The following DCHS2 variants were observed in gnomAD, a reference collection of about 807,000 sequenced individuals.
The protein encoded by DCHS2 is dachsous cadherin-related 2, also known as protocadherin-23.
In DCHS2, 142 loss-of-function variants were observed where a neutral mutation model predicts 182.4. The observed-to-expected ratio is 0.78, with a 90% CI of 0.68 to 0.89. The LOEUF (loss-of-function observed/expected upper bound fraction) is 0.89. Among genes scored for constraint, DCHS2 ranks in the 40% least tolerant of loss-of-function variants. DCHS2 has a pLI of 0.00. For missense variants in DCHS2, 4,319 were observed against 4,198.6 expected, an observed-to-expected ratio of 1.03 and a Z score of -0.79; for synonymous variants, 1,740 against 1,663.3, an observed-to-expected ratio of 1.05 and a Z score of -1.12.
At position 154,305,195 on chromosome 4, in the gene DCHS2, C is replaced by A. The variant is rs1214415800; in HGVS notation, c.5297G>T (p.Gly1766Val). The A allele has an allele frequency of 1.8e-5, 29 of 1,612,408 alleles. No homozygotes were observed. Among genetic ancestry groups the A allele is most frequent in the Non-Finnish European group, 2.4e-5 (28 of 1,179,378 alleles). The change falls in exon 11 of 20, where the codon GGT becomes GTT. Residue 1766 changes from glycine to valine, a missense_variant. By Grantham distance (109) the Gly-to-Val change is moderately radical. Transcript: ENST00000357232. Reference protein sequence around the residue: ...NSKLQFEIMPGASFELFEINS... With the variant: ...NSKLQFEIMPVASFELFEINS... ...TATCTCGAATAATTCAAATGAAGCA[C>A]CTGGCATGATTTCAAACTGAAGCTT...
Position 154,298,380 on chromosome 4 carries a change from A to G in DCHS2, c.5934T>C (p.Gly1978=), listed in dbSNP as rs1389566490. ...TEYFLTDEAS[G]AFTIDPMSGT... is the part of the protein sequence containing the mutation. Reference sequence around the variant, plus strand: ...CTGACATAGGATCAATGGTGAATGCACCAGAAGCCTCATCAGTCAGAAAAT... The same window carrying G: ...CTGACATAGGATCAATGGTGAATGCGCCAGAAGCCTCATCAGTCAGAAAAT... Residue 1978 remains glycine (G), a synonymous_variant, in exon 13 of 20, where the codon GGT becomes GGC. Coordinates refer to ENST00000357232, the MANE Select transcript of DCHS2 (RefSeq NM_001358235.2). 1 of 1,614,168 alleles carries G rather than the reference A, an allele frequency of 6.2e-7. No individual in the cohort carries two copies. The highest frequency in any genetic ancestry group is 1.1e-5 in the South Asian group (1 of 91,074).
intron 12 of DCHS2, among the ~76,000 whole-genome samples, chr4:154,303,663 T>G (rs1324049741): frequency 6.6e-6 from 1 of 152,018 alleles, no homozygotes. Context: ...TGTGAAATAA[T>G]TTGAAATAGG....
chr4:154,398,426 T>G (rs1732023838), intron 1 of DCHS2, among the ~76,000 whole-genome samples: 1 of 152,184 alleles, frequency 6.6e-6, no homozygotes, highest in Non-Finnish European at 1.5e-5. Context: ...GTTATTATTC[T>G]TGTTCTCATT....
At chr4:154,268,221 C>T (rs954976759) in intron 14 of DCHS2, among the ~76,000 whole-genome samples, 5 of 142,582 alleles carry the variant, frequency 3.5e-5, no homozygotes, top group African/African-American at 1.3e-4. Flanking sequence ...GAACTTTCAC[C>T]TTTCACTTTC....
chr4:154,380,729 C>T (rs550041059), intron 1 of DCHS2, among the ~76,000 whole-genome samples: 4 of 152,192 alleles, frequency 2.6e-5, no homozygotes, highest in African/African-American at 7.2e-5. Flanking sequence ...GTTTCAGAAT[C>T]GTAACATAAG....
chr4:154,335,073 A>G lies in DCHS2; in HGVS notation c.2508T>C (p.His836=), dbSNP rs1242366676. ...GIIYLTLPLS[H]LESTTLSLMV... is the part of the protein sequence containing the mutation. Reference sequence around the variant, plus strand: ...TCAACGAAAGTGTGGTAGATTCCAAATGACTAAGAGGTAATGTTAAGTAAA... The same window carrying G: ...TCAACGAAAGTGTGGTAGATTCCAAGTGACTAAGAGGTAATGTTAAGTAAA... The change falls in exon 4 of 20, where the codon CAT becomes CAC. Residue 836 remains histidine (H), a synonymous_variant. Coordinates refer to ENST00000357232, the MANE Select transcript of DCHS2 (RefSeq NM_001358235.2). 4 of 1,612,460 alleles carry G rather than the reference A, an allele frequency of 2.5e-6. No individual in the cohort carries two copies.
intron 3 of DCHS2, among the ~76,000 whole-genome samples, chr4:154,358,662 T>A (rs1482557649): frequency 6.6e-6 from 1 of 152,138 alleles, no homozygotes; most frequent in African/African-American, 2.4e-5. Context: ...ATAAAGCTTG[T>A]TGTTCTATAT....
chr4:154,246,498 C>T (rs1732075316), intron 16 of DCHS2, among the ~76,000 whole-genome samples: 1 of 152,032 alleles, frequency 6.6e-6, no homozygotes, highest in Non-Finnish European at 1.5e-5. Context: ...GAAATTGCCT[C>T]ACTTATATCT....
At position 154,489,442 on chromosome 4, in the gene DCHS2, G is replaced by A. The variant is rs1424085627; in HGVS notation, c.1914C>T (p.Leu638=). Residue 638 remains leucine (L), a synonymous_variant, in exon 1 of 20, where the codon CTC becomes CTT. Transcript: ENST00000357232. ...AGGTGGCAGAGAGTGGGGGCTCTCC[G>A]AGGTCCTGGGCCACCACTTTCAGCT... is the stretch of plus-strand genomic sequence containing the variant. The part of the protein sequence containing the change: ...AVELKVVAQD[L]GEPPLSATCL... 2.1e-5 allele frequency: 32 copies of A among 1,551,760 alleles called. No individual in the cohort carries two copies. The highest frequency in any genetic ancestry group is 2.8e-5 in the Non-Finnish European group (32 of 1,147,012).
intron 3 of DCHS2, chr4:154,357,326 T>G: frequency 6.2e-7 from 1 of 1,600,490 alleles, no homozygotes; most frequent in South Asian, 1.1e-5. Context: ...TATAGAGTCC[T>G]AATTAGGGAA....
At position 154,258,643 on chromosome 4, in the gene DCHS2, C is replaced by A. The variant is rs187703887; in HGVS notation, c.6789+902G>T. Among the ~76,000 whole-genome samples the A allele has an allele frequency of 2.8e-3, 428 of 152,210 alleles. 3 individuals carry two copies. Among genetic ancestry groups the A allele is most frequent in the African/African-American group, 9.5e-3 (393 of 41,532 alleles). On this transcript the variant is annotated intron_variant, in intron 15 of 19. Coordinates refer to ENST00000357232, the MANE Select transcript of DCHS2 (RefSeq NM_001358235.2). ...CCACCTGCCTTGGCCTCCCAAAGTG[C>A]TGGGATTACAGTTGTGAGCCACTGT...
In DCHS2 at chr4:154,469,761, G is replaced by A. The variant is rs1735383501; in HGVS notation, c.2052+19543C>T. On this transcript the variant is annotated intron_variant, in intron 1 of 19. Coordinates refer to ENST00000357232, the MANE Select transcript of DCHS2 (RefSeq NM_001358235.2). ...CTTACTGGTCCTTTTCACCTTCGAA[G>A]TCATTCTCCCAGGTAGTATTAGCAT... Among the ~76,000 whole-genome samples the A allele has an allele frequency of 5.3e-5, 8 of 152,246 alleles. No homozygotes were observed. The South Asian group carries it at 1.7e-3, about 32-fold the overall frequency.
intron 1 of DCHS2, among the ~76,000 whole-genome samples, chr4:154,378,021 A>C (rs1269599959): frequency 6.6e-6 from 1 of 152,134 alleles, no homozygotes; most frequent in Non-Finnish European, 1.5e-5. Flanking sequence ...GTAATGTCTC[A>C]ATCAGGGCCC....
At chr4:154,304,074 A>G (rs1735330704) in intron 12 of DCHS2, among the ~76,000 whole-genome samples, 1 of 151,526 alleles carries the variant, frequency 6.6e-6, no homozygotes, top group South Asian at 2.1e-4. Context: ...TTTAAAAACA[A>G]TATCCTTTAA....
rs1354432644 is a variant in DCHS2, at chr4:154,332,460, GA to G, written c.3730+17del. 6.3e-7 allele frequency: 1 copy of G among 1,582,078 alleles called. No homozygotes were observed. ...AACCCTCATTTTAAAGGAATAGGTG[GA>G]AACTATGAAGTGCTACCTGTATTAG... On this transcript the variant is annotated intron_variant, in intron 5 of 19. Transcript: ENST00000357232.
chr4:154,357,309 T>G lies in DCHS2; in HGVS notation c.2476+8901A>C, dbSNP rs77989904. On this transcript the variant is annotated intron_variant, in intron 3 of 19. Coordinates refer to ENST00000357232, the MANE Select transcript of DCHS2 (RefSeq NM_001358235.2). The stretch of plus-strand genomic sequence containing the variant: ...GTTGACAGCACTCAGAATTTCTACC[T>G]CTGGACTATAGAGTCCTAATTAGGG... 1.1e-5 allele frequency: 17 copies of G among 1,612,026 alleles called. No individual in the cohort carries two copies. In the East Asian group the frequency reaches 3.6e-4, roughly 34 times the overall value.
Position 154,388,575 on chromosome 4 carries a change from A to G in DCHS2, c.2053-11131T>C, listed in dbSNP as rs911579290. Among the ~76,000 whole-genome samples the G allele has an allele frequency of 3.3e-5, 5 of 149,736 alleles. No homozygotes were observed. The Admixed American group carries it at 3.3e-4, about 10-fold the overall frequency. On this transcript the variant is annotated intron_variant, in intron 1 of 19. Transcript: ENST00000357232. Reference sequence around the variant, plus strand: ...AGTGGTGCGATCTCGGCTGACTGCAACCTCTGCCTTCTGGGTTCAAGTGAT... The same window carrying G: ...AGTGGTGCGATCTCGGCTGACTGCAGCCTCTGCCTTCTGGGTTCAAGTGAT...
At chr4:154,248,027 T>C (rs1156482560) in intron 16 of DCHS2, among the ~76,000 whole-genome samples, 1 of 151,954 alleles carries the variant, frequency 6.6e-6, no homozygotes, top group Non-Finnish European at 1.5e-5. Context: ...CAGGTCTTCA[T>C]GAAAAAAGAG....
intron 1 of DCHS2, among the ~76,000 whole-genome samples, chr4:154,437,538 T>C (rs186631947): frequency 2.6e-5 from 4 of 152,308 alleles, no homozygotes; most frequent in Non-Finnish European, 5.9e-5. Context: ...AATCAAGCAA[T>C]ATAAATACTA....
Sources: allele counts gnomAD v4.1 joint callset (sites outside exome capture counted in the v4.1 genomes callset), GRCh38; gene constraint gnomAD v4.1.1; transcripts MANE v1.5; gene names NCBI Gene and HGNC (gene_info 2026-07-23, HGNC 2026-07-21).